MINDY3: variants seen among roughly 807,000 people sequenced by gnomAD.
MINDY3 encodes the protein MINDY lysine 48 deubiquitinase 3, also known as ubiquitin carboxyl-terminal hydrolase MINDY-3.
A neutral mutation model predicts 69.2 loss-of-function variants in MINDY3; 38 were observed. The ratio of observed to expected loss-of-function variants is 0.55; its 90% CI spans 0.42 to 0.72. MINDY3 has a LOEUF of 0.72. MINDY3 is among the 30% of genes least tolerant of loss of function. The probability of loss-of-function intolerance (pLI) is 0.00; values close to 1 mark genes in which losing one functional copy is unlikely to be tolerated. For missense variants in MINDY3, 522 were observed against 519.0 expected, an observed-to-expected ratio of 1.01 and a Z score of -0.06; for synonymous variants, 192 against 180.1, an observed-to-expected ratio of 1.07 and a Z score of -0.53.
intron 11 of MINDY3, among the ~76,000 whole-genome samples, chr10:15,791,161 A>T (rs1187103656): frequency 6.6e-6 from 1 of 152,116 alleles, no homozygotes; most frequent in Non-Finnish European, 1.5e-5. Context: ...GATGTAATAG[A>T]ATTTTCTCAA....
chr10:15,849,985 T>A (rs1009599903), intron 1 of MINDY3, among the ~76,000 whole-genome samples: 3 of 152,156 alleles, frequency 2.0e-5, no homozygotes, highest in African/African-American at 7.2e-5. Context: ...GGACCCTGAA[T>A]GGAGGGACCT....
At chr10:15,858,592 T>C (rs1834859917) in intron 1 of MINDY3, among the ~76,000 whole-genome samples, 2 of 152,206 alleles carry the variant, frequency 1.3e-5, no homozygotes, top group African/African-American at 4.8e-5. Flanking sequence ...ATCTGTACTT[T>C]ACAGAGAAGG....
intron 1 of MINDY3, among the ~76,000 whole-genome samples, chr10:15,852,393 G>C (rs934755451): frequency 2.6e-5 from 4 of 152,092 alleles, no homozygotes; most frequent in African/African-American, 9.7e-5. Context: ...TGTAGTTCAG[G>C]GCAGGACTTA....
At chr10:15,844,160 T>C (rs1001364670) in intron 2 of MINDY3, among the ~76,000 whole-genome samples, 4 of 152,178 alleles carry the variant, frequency 2.6e-5, no homozygotes, top group African/African-American at 9.6e-5. Flanking sequence ...ATCTATGTAA[T>C]GCACTTAGCA....
chr10:15,786,279 ATCTT>A (rs765918541), intron 13 of MINDY3, among the ~76,000 whole-genome samples: 2 of 152,234 alleles, frequency 1.3e-5, no homozygotes, highest in African/African-American at 2.4e-5. Context: ...GAGAAAGAGA[ATCTT>A]TCTCTTTTTA....
rs1833978072 is a variant in MINDY3, at chr10:15,848,075, A to C, written c.95-132T>G. The C allele has an allele frequency of 7.1e-6, 5 of 707,148 alleles. No individual in the cohort carries two copies. The East Asian group carries it at 1.3e-4, about 19-fold the overall frequency. The allele number at this position is 707,148 out of a possible 1,614,324, so 43.8% of individuals were successfully genotyped here. The stretch of plus-strand genomic sequence containing the variant: ...AATATCTTCAAATCATGAGGTGTGG[A>C]TCAAGGAACCTTTTGAAAAAAAAAT... On this transcript the variant is annotated intron_variant, in intron 1 of 14. Coordinates refer to ENST00000277632, the MANE Select transcript of MINDY3 (RefSeq NM_024948.4).
chr10:15,805,245 A>G (rs1198019579), intron 10 of MINDY3, among the ~76,000 whole-genome samples: 1 of 152,208 alleles, frequency 6.6e-6, no homozygotes, highest in African/African-American at 2.4e-5. Context: ...ATTGCTCTTC[A>G]TAATGATGAA....
At chr10:15,836,370 C>A (rs556339500) in intron 6 of MINDY3, among the ~76,000 whole-genome samples, 1 of 151,912 alleles carries the variant, frequency 6.6e-6, no homozygotes, top group East Asian at 1.9e-4. Context: ...GAAGACCAAA[C>A]GCCAAAACAC....
At chr10:15,804,890 A>C (rs1483312244) in intron 10 of MINDY3, among the ~76,000 whole-genome samples, 1 of 152,112 alleles carries the variant, frequency 6.6e-6, no homozygotes, top group East Asian at 1.9e-4. Flanking sequence ...TATTTTCCAA[A>C]TAACGTGTAA....
chr10:15,847,887 A>G lies in MINDY3; in HGVS notation c.151T>C (p.Cys51Arg). The G allele has an allele frequency of 1.2e-6, 2 of 1,614,026 alleles. No individual in the cohort carries two copies. The highest frequency in any genetic ancestry group is 1.7e-6 in the Non-Finnish European group (2 of 1,179,888). ...ACCTGAACAGGTGCAATAACAGCAC[A>G]GGGGCCACCTTCAAACTGTTCTAAT... ...SALEQFEGGP[C>R]AVIAPVQAFL... Residue 51 changes from cysteine to arginine, a missense_variant, in exon 2 of 15, where the codon TGT becomes CGT. Transcript: ENST00000277632.
intron 1 of MINDY3, among the ~76,000 whole-genome samples, chr10:15,853,367 T>C (rs1362129515): frequency 6.6e-6 from 1 of 152,054 alleles, no homozygotes; most frequent in African/African-American, 2.4e-5. Flanking sequence ...TAAGATATGA[T>C]TTGCCCCTTT....
At chr10:15,802,689 T>A (rs1043073443) in intron 10 of MINDY3, among the ~76,000 whole-genome samples, 7 of 152,170 alleles carry the variant, frequency 4.6e-5, no homozygotes, top group Non-Finnish European at 1.0e-4. Context: ...TTGTTAGCTA[T>A]TTAAACAGAA....
At chr10:15,809,526 T>C (rs1407790659) in intron 10 of MINDY3, among the ~76,000 whole-genome samples, 1 of 152,170 alleles carries the variant, frequency 6.6e-6, no homozygotes, top group Non-Finnish European at 1.5e-5. Context: ...CAGACCTTTG[T>C]TCTGCCACAG....
intron 5 of MINDY3, 82 bp downstream of exon 5, chr10:15,838,146 A>G: frequency 7.1e-7 from 1 of 1,411,898 alleles, no homozygotes; most frequent in Non-Finnish European, 9.3e-7. Context: ...TGTAAAACTA[A>G]GAACCTTTCC....
At chr10:15,790,990 C>T (rs1253535467) in intron 11 of MINDY3, among the ~76,000 whole-genome samples, 1 of 152,070 alleles carries the variant, frequency 6.6e-6, no homozygotes, top group African/African-American at 2.4e-5. Context: ...AACAATGTGA[C>T]CTTCTTAACA....
chr10:15,837,007 G>T (rs1833128984), intron 6 of MINDY3, among the ~76,000 whole-genome samples, 197 bp downstream of exon 6: 1 of 151,944 alleles, frequency 6.6e-6, no homozygotes, highest in Admixed American at 6.6e-5. Flanking sequence ...AATCTCTGTA[G>T]TCCAAAAGAG....
intron 8 of MINDY3, among the ~76,000 whole-genome samples, chr10:15,833,255 A>G (rs1384052456): frequency 6.6e-6 from 1 of 152,214 alleles, no homozygotes; most frequent in Admixed American, 6.5e-5. Flanking sequence ...GCAAAAACCC[A>G]AAGTAAGTAT....
At chr10:15,847,964 G>A (rs1833969628) in intron 1 of MINDY3, 21 bp from the exon 2 acceptor site, 1 of 1,586,212 alleles carries the variant, frequency 6.3e-7, no homozygotes, top group Non-Finnish European at 8.7e-7. Flanking sequence ...AAGCAAGTAG[G>A]AAAGATTAAA....
At position 15,836,184 on chromosome 10, in the gene MINDY3, C is replaced by A. The variant is rs528776730; in HGVS notation, c.576+1020G>T. ...GCTCAACTACTTAGAGCTCCCCAAA[C>A]CTGCATTATACCCTCAATCCCTTAC... On this transcript the variant is annotated intron_variant, in intron 6 of 14. Coordinates refer to ENST00000277632, the MANE Select transcript of MINDY3 (RefSeq NM_024948.4). Among the ~76,000 whole-genome samples the A allele has an allele frequency of 3.6e-4, 54 of 152,096 alleles. No homozygotes were observed. The South Asian group carries it at 0.011, about 32-fold the overall frequency.
Sources: allele counts gnomAD v4.1 joint callset (sites outside exome capture counted in the v4.1 genomes callset), GRCh38; gene constraint gnomAD v4.1.1; transcripts MANE v1.5; gene names NCBI Gene and HGNC (gene_info 2026-07-23, HGNC 2026-07-21).